DPP10: variants seen among roughly 807,000 people sequenced by gnomAD.
The protein encoded by DPP10 is inactive dipeptidyl peptidase 10.
Under a neutral mutation model 120.9 loss-of-function variants are expected in DPP10, and 33 were observed. The ratio of observed to expected loss-of-function variants is 0.27; its 90% CI spans 0.21 to 0.37. The LOEUF is 0.37. Among genes scored for constraint, DPP10 ranks in the 10% least tolerant of loss-of-function variants. The pLI, the probability that DPP10 is intolerant of heterozygous loss-of-function variation, is 1.00. For synonymous variants in DPP10, 337 were observed against 326.1 expected, an observed-to-expected ratio of 1.03 and a Z score of -0.36; for missense variants, 816 against 942.8, an observed-to-expected ratio of 0.87 and a Z score of 1.76.
At chr2:115,199,784 A>G (rs542845937) in intron 1 of DPP10, among the ~76,000 whole-genome samples, 2 of 152,322 alleles carry the variant, frequency 1.3e-5, no homozygotes, top group South Asian at 2.1e-4. Context: ...CTGTTTTTAT[A>G]GGATGATTAA....
intron 1 of DPP10, among the ~76,000 whole-genome samples, chr2:115,187,016 ATTCTTTTT>A (rs2054493492): frequency 1.0e-5 from 1 of 100,492 alleles, no homozygotes; most frequent in African/African-American, 3.8e-5. Flanking sequence ...TGGTGCAAAG[ATTCTTTTT>A]TTTTTTTTTT....
chr2:114,550,252 T>C (rs1687776577), intron 1 of DPP10, among the ~76,000 whole-genome samples: 1 of 152,202 alleles, frequency 6.6e-6, no homozygotes, highest in African/African-American at 2.4e-5. Flanking sequence ...GGTGTGAGCA[T>C]AGGACAAAGG....
chr2:114,461,537 A>G lies in DPP10; in HGVS notation c.60+18699A>G, dbSNP rs973900729. On this transcript the variant is annotated intron_variant, in intron 1 of 25. Coordinates refer to ENST00000410059, the MANE Select transcript of DPP10 (RefSeq NM_020868.6). ...CCCACACACTCTCTTGCCTCCAATA[A>G]TGATCAACCTCCTTTTCTAAGACCA... 8 of 973,034 alleles carry G rather than the reference A, an allele frequency of 8.2e-6. No individual in the cohort carries two copies. The African/African-American group carries it at 1.4e-4, about 17-fold the overall frequency. The allele number at this position is 973,034 out of a possible 1,614,324, so 60.3% of individuals were successfully genotyped here.
intron 1 of DPP10, among the ~76,000 whole-genome samples, chr2:114,979,760 A>G (rs925759976): frequency 3.9e-5 from 6 of 152,112 alleles, no homozygotes; most frequent in African/African-American, 1.4e-4. Context: ...TTACTACAAT[A>G]GTAAATATAC....
chr2:115,307,829 A>G (rs145439057), intron 1 of DPP10, among the ~76,000 whole-genome samples: 593 of 152,242 alleles, frequency 3.9e-3, no homozygotes, highest in African/African-American at 0.012. Context: ...TAAAGCTGAT[A>G]ATTTGGGGGA....
intron 1 of DPP10, among the ~76,000 whole-genome samples, chr2:115,163,873 A>G (rs554460771): frequency 1.5e-4 from 23 of 152,350 alleles, no homozygotes; most frequent in Non-Finnish European, 2.8e-4. Flanking sequence ...CTGAAAATGT[A>G]TGTGTAGATA....
At chr2:114,760,976 T>A (rs1680230688) in intron 1 of DPP10, among the ~76,000 whole-genome samples, 1 of 152,202 alleles carries the variant, frequency 6.6e-6, no homozygotes, top group Non-Finnish European at 1.5e-5. Flanking sequence ...AAAATTTTTC[T>A]TGACTACTTT....
chr2:115,468,812 C>T, intron 3 of DPP10: 1 of 454,290 alleles, frequency 2.2e-6, no homozygotes, highest in East Asian at 5.8e-5. Flanking sequence ...TGTGCAGGTG[C>T]CCTCTGTGCT....
chr2:114,594,258 A>G (rs1251098735), intron 1 of DPP10, among the ~76,000 whole-genome samples: 3 of 151,888 alleles, frequency 2.0e-5, no homozygotes, highest in Non-Finnish European at 4.4e-5. Flanking sequence ...TCAGACTCCA[A>G]GTTTTTCAGT....
intron 3 of DPP10, among the ~76,000 whole-genome samples, chr2:115,416,390 A>G (rs2069434467): frequency 2.0e-5 from 3 of 152,290 alleles, no homozygotes; most frequent in Admixed American, 6.5e-5. Context: ...TCTTTCAAGT[A>G]GAAATGACTC....
intron 1 of DPP10, among the ~76,000 whole-genome samples, chr2:114,613,362 G>A (rs150383547): frequency 3.4e-4 from 51 of 152,104 alleles, no homozygotes; most frequent in Non-Finnish European, 6.3e-4. Flanking sequence ...AAAAATTTCC[G>A]TGAACTGCCA....
intron 1 of DPP10, among the ~76,000 whole-genome samples, chr2:114,592,314 A>T (rs924506239): frequency 6.6e-6 from 1 of 152,172 alleles, no homozygotes; most frequent in African/African-American, 2.4e-5. Flanking sequence ...TTCCTGTTTG[A>T]TGGTAAACTT....
chr2:114,694,103 T>C (rs1245674817), intron 1 of DPP10, among the ~76,000 whole-genome samples: 2 of 151,942 alleles, frequency 1.3e-5, no homozygotes, highest in Admixed American at 1.3e-4. Context: ...AATCCTACAA[T>C]TGCCACTTAT....
At chr2:115,527,905 G>C (rs1278860551) in intron 5 of DPP10, among the ~76,000 whole-genome samples, 1 of 152,058 alleles carries the variant, frequency 6.6e-6, no homozygotes, top group Admixed American at 6.6e-5. Context: ...TTCATACATT[G>C]CAGTTGGAAT....
At chr2:114,921,474 A>G (rs1695191056) in intron 1 of DPP10, among the ~76,000 whole-genome samples, 1 of 152,224 alleles carries the variant, frequency 6.6e-6, no homozygotes, top group African/African-American at 2.4e-5. Flanking sequence ...ACATTATAAA[A>G]TGTTCATCCC....
Position 115,782,357 on chromosome 2 carries a change from A to T in DPP10, c.1489A>T (p.Arg497Trp). The stretch of plus-strand genomic sequence containing the variant: ...CACATATTTTTAAATTCCAGGTCCA[A>T]GGGTCCCAGTGGTCAGCCTACATAG... ...QHFLLFCEGPRVPVVSLHSTD... is the reference protein window; with the variant it reads ...QHFLLFCEGPWVPVVSLHSTD... The change falls in exon 17 of 26, where the codon AGG becomes TGG. Residue 497 changes from arginine (R) to tryptophan (W), a missense_variant. Transcript: ENST00000410059. The T allele has an allele frequency of 6.2e-7, 1 of 1,611,644 alleles. No individual in the cohort carries two copies. The highest frequency in any genetic ancestry group is 8.5e-7 in the Non-Finnish European group (1 of 1,178,016).
At chr2:115,243,172 A>G (rs545640153) in intron 1 of DPP10, among the ~76,000 whole-genome samples, 123 of 152,304 alleles carry the variant, frequency 8.1e-4, no homozygotes, top group African/African-American at 2.6e-3. Context: ...CCAGCCTCCA[A>G]TAGTATTTCC....
chr2:115,174,014 T>C (rs1256394878), intron 1 of DPP10, among the ~76,000 whole-genome samples: 1 of 152,208 alleles, frequency 6.6e-6, no homozygotes, highest in Non-Finnish European at 1.5e-5. Context: ...ATGATGTCGA[T>C]AAAGAAAAAA....
chr2:115,817,721 C>A (rs116750855), intron 21 of DPP10, among the ~76,000 whole-genome samples: 1,954 of 151,412 alleles, frequency 0.013, 44 homozygotes, highest in African/African-American at 0.043. Flanking sequence ...GTGATCATCC[C>A]AAAGAAATGG....
Sources: gnomAD v4.1 joint callset for allele counts (sites outside exome capture counted in the v4.1 genomes callset) on GRCh38, gnomAD v4.1.1 for gene constraint, MANE v1.5 for transcripts, NCBI Gene and HGNC (gene_info 2026-07-23, HGNC 2026-07-21) for gene names.